Variants in CNTN1 observed in about 807,000 individuals in gnomAD.
CNTN1 encodes the protein contactin-1.
In CNTN1, 38 loss-of-function variants were observed where a neutral mutation model predicts 126.4. The ratio of observed to expected loss-of-function variants is 0.30; its 90% CI spans 0.23 to 0.39. The LOEUF (loss-of-function observed/expected upper bound fraction) is 0.39. Among genes scored for constraint, CNTN1 ranks in the 10% least tolerant of loss-of-function variants. The probability of loss-of-function intolerance (pLI) is 1.00; values close to 1 mark genes in which losing one functional copy is unlikely to be tolerated. For missense variants in CNTN1, 1,009 were observed against 1,248.4 expected (o/e 0.81, Z 2.89); for synonymous variants, 413 against 422.6 (o/e 0.98, Z 0.28).
At chr12:40,897,793 T>C (rs17543980) in intron 1 of CNTN1, among the ~76,000 whole-genome samples, 2,268 of 152,276 alleles carry the variant, frequency 0.015, 27 homozygotes, top group Non-Finnish European at 0.025. Flanking sequence ...TAATGAAACC[T>C]TTAAAAGGAG....
At chr12:40,769,496 G>T (rs1007088910) in intron 1 of CNTN1, among the ~76,000 whole-genome samples, 2 of 152,006 alleles carry the variant, frequency 1.3e-5, no homozygotes, top group East Asian at 1.9e-4. Flanking sequence ...TTATAGATTT[G>T]GTGTTTAATG....
intron 1 of CNTN1, among the ~76,000 whole-genome samples, chr12:40,897,132 A>G (rs531331995): frequency 6.6e-6 from 1 of 152,338 alleles, no homozygotes; most frequent in South Asian, 2.1e-4. Context: ...TAATTGTTGA[A>G]TGAATGATGA....
chr12:40,731,406 G>A (rs952363901), intron 1 of CNTN1, among the ~76,000 whole-genome samples: 1 of 151,870 alleles, frequency 6.6e-6, no homozygotes, highest in Non-Finnish European at 1.5e-5. Context: ...ATAAAACCAT[G>A]GGGAAAATGG....
At chr12:40,801,670 G>C (rs1940660292) in intron 1 of CNTN1, among the ~76,000 whole-genome samples, 1 of 151,684 alleles carries the variant, frequency 6.6e-6, no homozygotes, top group South Asian at 2.1e-4. Flanking sequence ...GTGAAGGAGG[G>C]GGAAAGAGAA....
At chr12:41,034,462 C>A (rs139692949) in intron 23 of CNTN1, among the ~76,000 whole-genome samples, 1 of 152,188 alleles carries the variant, frequency 6.6e-6, no homozygotes, top group African/African-American at 2.4e-5. Flanking sequence ...TCTCCATTTC[C>A]TAAGTATTGC....
intron 1 of CNTN1, among the ~76,000 whole-genome samples, chr12:40,747,291 T>C (rs1178393271): frequency 8.7e-6 from 1 of 115,568 alleles, no homozygotes; most frequent in Non-Finnish European, 1.8e-5. Flanking sequence ...AGTATTCCAA[T>C]ATTTTGTGAA....
chr12:40,823,373 G>A (rs1473533085), intron 1 of CNTN1, among the ~76,000 whole-genome samples: 1 of 152,084 alleles, frequency 6.6e-6, no homozygotes, highest in African/African-American at 2.4e-5. Flanking sequence ...CCAGCTCATT[G>A]GTTCACGGTT....
chr12:40,768,570 A>G (rs1369735680), intron 1 of CNTN1, among the ~76,000 whole-genome samples: 1 of 152,224 alleles, frequency 6.6e-6, no homozygotes, highest in Non-Finnish European at 1.5e-5. Context: ...ATAACAAAGC[A>G]AGGTTATTTT....
At chr12:40,818,263 T>TA (rs1376251200) in intron 1 of CNTN1, among the ~76,000 whole-genome samples, 1 of 152,190 alleles carries the variant, frequency 6.6e-6, no homozygotes, top group Admixed American at 6.5e-5. Flanking sequence ...AAGTGTGTTT[T>TA]CCAGCTTGAT....
intron 14 of CNTN1, among the ~76,000 whole-genome samples, chr12:40,957,949 G>T (rs923362183): frequency 1.3e-5 from 2 of 151,966 alleles, no homozygotes; most frequent in African/African-American, 4.8e-5. Flanking sequence ...AGAGGTTATT[G>T]GTAGAACCTA....
At chr12:40,780,931 T>A (rs200801155) in intron 1 of CNTN1, among the ~76,000 whole-genome samples, 3 of 144,074 alleles carry the variant, frequency 2.1e-5, no homozygotes, top group Admixed American at 7.0e-5. Context: ...TTTTTTTTTT[T>A]AATTTCTAAG....
At chr12:40,883,732 A>G (rs1756617466) in intron 1 of CNTN1, among the ~76,000 whole-genome samples, 1 of 151,598 alleles carries the variant, frequency 6.6e-6, no homozygotes, top group Admixed American at 6.6e-5. Flanking sequence ...TCCAGAGGGA[A>G]CTTGTTACAG....
At chr12:40,860,723 C>G (rs1350204448) in intron 1 of CNTN1, among the ~76,000 whole-genome samples, 3 of 152,220 alleles carry the variant, frequency 2.0e-5, no homozygotes, top group Admixed American at 6.5e-5. Flanking sequence ...TGCCACTCTC[C>G]CAGTAACTCC....
intron 1 of CNTN1, among the ~76,000 whole-genome samples, chr12:40,813,979 C>T (rs754460183): frequency 2.0e-5 from 3 of 151,606 alleles, no homozygotes; most frequent in Non-Finnish European, 2.9e-5. Context: ...GTTTGTTGGC[C>T]GTGTAAATGT....
intron 16 of CNTN1, among the ~76,000 whole-genome samples, chr12:40,982,616 T>C (rs1445842067): frequency 6.6e-6 from 1 of 152,152 alleles, no homozygotes; most frequent in Non-Finnish European, 1.5e-5. Flanking sequence ...TGCTCATTCA[T>C]TAAACATGTT....
intron 1 of CNTN1, among the ~76,000 whole-genome samples, chr12:40,781,430 C>G (rs1371028995): frequency 2.0e-5 from 3 of 152,026 alleles, no homozygotes; most frequent in Admixed American, 6.6e-5. Flanking sequence ...TCCCAGTCCT[C>G]TATTGAGTAT....
rs1407115221 is a variant in CNTN1, at chr12:40,931,244, A to T, written c.703+1242A>T. Among the ~76,000 whole-genome samples, 12 of 151,936 alleles carry T rather than the reference A, an allele frequency of 7.9e-5. No homozygotes were observed. In the South Asian group the frequency reaches 2.3e-3, roughly 29 times the overall value. ...TTGCTAAATCCAAAGGACACTTTGA[A>T]GTCCTTATTCTGTTTGAACTTTGAC... is the stretch of plus-strand genomic sequence containing the variant. On this transcript the variant is annotated intron_variant, in intron 7 of 23. Coordinates refer to ENST00000551295, the MANE Select transcript of CNTN1 (RefSeq NM_001843.4).
chr12:40,697,198 C>G (rs937977453), intron 1 of CNTN1, among the ~76,000 whole-genome samples: 2 of 152,126 alleles, frequency 1.3e-5, no homozygotes, highest in African/African-American at 4.8e-5. Context: ...AAATTGCTTC[C>G]CCCAAAATGT....
At chr12:40,807,118 G>T (rs903868619) in intron 1 of CNTN1, among the ~76,000 whole-genome samples, 2 of 151,892 alleles carry the variant, frequency 1.3e-5, no homozygotes. Context: ...GGACCCTAAA[G>T]GATGGATACT....
Sources: gnomAD v4.1 joint callset for allele counts (sites outside exome capture counted in the v4.1 genomes callset) on GRCh38, gnomAD v4.1.1 for gene constraint, MANE v1.5 for transcripts, NCBI Gene and HGNC (gene_info 2026-07-23, HGNC 2026-07-21) for gene names.